ADRA1A: variants seen among roughly 807,000 people sequenced by gnomAD.
ADRA1A encodes the protein adrenoceptor alpha 1A.
Under a neutral mutation model 29.6 loss-of-function variants are expected in ADRA1A, and 31 were observed. The observed-to-expected ratio is 1.05, with a 90% CI of 0.79 to 1.41. The LOEUF is 1.41. Ranked by LOEUF, ADRA1A falls within the 40% of genes most tolerant of loss-of-function variation. ADRA1A has a pLI of 0.00. For missense variants in ADRA1A, 619 were observed against 601.1 expected, an observed-to-expected ratio of 1.03 and a Z score of -0.31; for synonymous variants, 311 against 254.3, an observed-to-expected ratio of 1.22 and a Z score of -2.12.
chr8:26,773,404 T>G (rs1052640625), intron 2 of ADRA1A, among the ~76,000 whole-genome samples: 1 of 152,212 alleles, frequency 6.6e-6, no homozygotes, highest in Non-Finnish European at 1.5e-5. Context: ...TCTTACATTA[T>G]GAAACCTATA....
At chr8:26,771,004 C>T (rs1166195131) in intron 2 of ADRA1A, among the ~76,000 whole-genome samples, 1 of 152,102 alleles carries the variant, frequency 6.6e-6, no homozygotes, top group African/African-American at 2.4e-5. Flanking sequence ...AATTGTTTTG[C>T]CTAAATTGAA....
In ADRA1A at chr8:26,864,808, G is replaced by T; in HGVS notation, c.162C>A (p.His54Gln). The T allele has an allele frequency of 6.2e-7, 1 of 1,614,190 alleles. No individual in the cohort carries two copies. Among genetic ancestry groups the T allele is most frequent in the Non-Finnish European group, 8.5e-7 (1 of 1,180,048 alleles). Residue 54 changes from histidine to glutamine, a missense_variant, in exon 2 of 3, where the codon CAC (histidine) becomes CAA (glutamine). His to Gln is a conservative substitution (Grantham distance 24, BLOSUM62 0). Coordinates refer to ENST00000380573, the MANE Select transcript of ADRA1A (RefSeq NM_000680.4). This position sits in a 1 kb window ranked among gnomAD's most constrained non-coding sequence, Gnocchi z 8.1. ...NILVILSVACHRHLHSVTHYY... is the reference protein window; with the variant it reads ...NILVILSVACQRHLHSVTHYY... ...AGTGCGTGACTGAGTGCAGGTGTCGGTGACAGGCTACGGAGAGGATCACTA... is the reference window on the plus strand; with the variant it reads ...AGTGCGTGACTGAGTGCAGGTGTCGTTGACAGGCTACGGAGAGGATCACTA...
At position 26,865,428 on chromosome 8, in the gene ADRA1A, C is replaced by T. The variant is rs192591538; in HGVS notation, c.-459G>A. The stretch of plus-strand genomic sequence containing the variant: ...TTCAAAACTCCAGCGCCAGTCTCTC[C>T]CTCAAACCAAAAGATCAGCCGTCGA... On this transcript the variant is annotated 5_prime_UTR_variant, in exon 2 of 3. Coordinates refer to ENST00000380573, the MANE Select transcript of ADRA1A (RefSeq NM_000680.4). The surrounding 1 kb of genome is among the most constrained non-coding windows in gnomAD (Gnocchi z 7.6). 2 of 1,003,102 alleles carry T rather than the reference C, an allele frequency of 2.0e-6. No homozygotes were observed. Among genetic ancestry groups the T allele is most frequent in the East Asian group, 2.1e-4 (2 of 9,454 alleles). 62.1% of individuals were successfully genotyped at this position (1,003,102 alleles called of 1,614,324 possible).
intron 2 of ADRA1A, among the ~76,000 whole-genome samples, chr8:26,822,925 C>G (rs1046371195): frequency 6.6e-6 from 1 of 152,146 alleles, no homozygotes; most frequent in Non-Finnish European, 1.5e-5. Flanking sequence ...AGCTCACTAT[C>G]ATGATGACAG....
chr8:26,820,692 G>A (rs982343541), intron 2 of ADRA1A, among the ~76,000 whole-genome samples: 1 of 152,160 alleles, frequency 6.6e-6, no homozygotes, highest in Non-Finnish European at 1.5e-5. Context: ...CAATATGCGA[G>A]CATTGTTAGA....
intron 2 of ADRA1A, among the ~76,000 whole-genome samples, chr8:26,814,188 T>C (rs1016029340): frequency 7.5e-6 from 1 of 134,192 alleles, no homozygotes; most frequent in Non-Finnish European, 1.6e-5. Context: ...CTATCTCCTA[T>C]GGTGAAAAAA....
rs1813363117 is a variant in ADRA1A at position 26,860,355 on chromosome 8, G to A, written c.883+3732C>T. ...CCTGGCTGTGGATGCTCCCTAACCTGACCGAGTCTGTGTCTCTTCACACAC... is the reference window on the plus strand; with the variant it reads ...CCTGGCTGTGGATGCTCCCTAACCTAACCGAGTCTGTGTCTCTTCACACAC... On this transcript the variant is annotated intron_variant, in intron 2 of 2. Transcript: ENST00000380573. This position sits in a 1 kb window ranked among gnomAD's most constrained non-coding sequence, Gnocchi z 4.7. 1.3e-5 allele frequency among the ~76,000 whole-genome samples: 2 copies of A among 152,066 alleles called. No individual in the cohort carries two copies. The highest frequency in any genetic ancestry group is 2.9e-5 in the Non-Finnish European group (2 of 68,030).
At chr8:26,846,458 T>C (rs1025439627) in intron 2 of ADRA1A, among the ~76,000 whole-genome samples, 4 of 152,104 alleles carry the variant, frequency 2.6e-5, no homozygotes, top group Admixed American at 2.0e-4. Context: ...CCCACCCCAA[T>C]TGTGACACTA....
chr8:26,785,774 T>C (rs1490337883), intron 2 of ADRA1A, among the ~76,000 whole-genome samples: 1 of 152,186 alleles, frequency 6.6e-6, no homozygotes, highest in Non-Finnish European at 1.5e-5. Context: ...AAATGACACA[T>C]GCTAGTCTGC....
intron 2 of ADRA1A, among the ~76,000 whole-genome samples, chr8:26,811,152 G>T (rs892471002): frequency 1.3e-5 from 2 of 151,910 alleles, no homozygotes; most frequent in Non-Finnish European, 2.9e-5. Context: ...ATGAAGGCTG[G>T]ATTCTGTCCA....
chr8:26,770,013 T>C lies in ADRA1A; in HGVS notation c.*136A>G. On this transcript the variant is annotated 3_prime_UTR_variant, in exon 3 of 3. Coordinates refer to ENST00000380573, the MANE Select transcript of ADRA1A (RefSeq NM_000680.4). ...CCTACCCGCTGCCTGATGAGTTGGG[T>C]CTACCACCCACCCCATTCCCAGCAG... is the stretch of plus-strand genomic sequence containing the variant. 6.8e-7 allele frequency: 1 copy of C among 1,466,460 alleles called. No homozygotes were observed. The highest frequency in any genetic ancestry group is 1.6e-5 in the South Asian group (1 of 62,052). 90.8% of individuals were successfully genotyped at this position (1,466,460 alleles called of 1,614,324 possible).
chr8:26,802,052 T>C (rs1467840331), intron 2 of ADRA1A, among the ~76,000 whole-genome samples: 1 of 152,170 alleles, frequency 6.6e-6, no homozygotes, highest in East Asian at 1.9e-4. Context: ...TGCAGAAGAA[T>C]TAAACCAGAC....
downstream of ADRA1A, among the ~76,000 whole-genome samples, chr8:26,755,172 T>A (rs1021364823): frequency 6.6e-6 from 1 of 151,674 alleles, no homozygotes; most frequent in Non-Finnish European, 1.5e-5. Context: ...TTTATTTGTA[T>A]GAAGAGAAAG....
chr8:26,808,545 T>C (rs964219106), intron 2 of ADRA1A, among the ~76,000 whole-genome samples: 2 of 152,252 alleles, frequency 1.3e-5, no homozygotes, highest in Admixed American at 6.5e-5. Context: ...CAAAGCCCCA[T>C]TGCGGTGTGC....
At chr8:26,762,603 C>T (rs1201208879), downstream of ADRA1A, among the ~76,000 whole-genome samples, 1 of 151,988 alleles carries the variant, frequency 6.6e-6, no homozygotes, top group Non-Finnish European at 1.5e-5. This position sits in a 1 kb window ranked among gnomAD's most constrained non-coding sequence, Gnocchi z 4.0. Context: ...AGGATGGGAT[C>T]AAGAAAGGAG....
intron 2 of ADRA1A, among the ~76,000 whole-genome samples, chr8:26,853,438 A>T (rs893513100): frequency 2.0e-5 from 3 of 152,234 alleles, no homozygotes; most frequent in Non-Finnish European, 4.4e-5. Context: ...TTTGAAAAAG[A>T]ATATTCATCC....
At chr8:26,786,092 C>G (rs1473621460) in intron 2 of ADRA1A, among the ~76,000 whole-genome samples, 2 of 152,160 alleles carry the variant, frequency 1.3e-5, no homozygotes, top group Non-Finnish European at 2.9e-5. Flanking sequence ...CAAACACTTT[C>G]CAGTACTCTT....
rs757033660 is a variant in ADRA1A at position 26,770,345 on chromosome 8, G to A, written c.1205C>T (p.Ser402Phe). The A allele has an allele frequency of 8.7e-6, 14 of 1,614,098 alleles. No individual in the cohort carries two copies. The Admixed American group carries it at 2.2e-4, about 25-fold the overall frequency. ...DGVCEWKFFS[S>F]MPRGSARITV... The stretch of plus-strand genomic sequence containing the variant: ...AATCCTGGCAGATCCACGGGGCATG[G>A]AAGAGAAAAATTTCCATTCACAAAC... The change falls in exon 3 of 3, where the codon TCC becomes TTC. Residue 402 changes from serine (S) to phenylalanine (F), a missense_variant. By Grantham distance (155) the Ser-to-Phe change is radical. Coordinates refer to ENST00000380573, the MANE Select transcript of ADRA1A (RefSeq NM_000680.4).
At chr8:26,765,940 GT>G, downstream of ADRA1A, 1 of 1,527,486 alleles carries the variant, frequency 6.5e-7, no homozygotes, top group Non-Finnish European at 8.8e-7. Flanking sequence ...GGGCCAGAAG[GT>G]TGGGATATCC....
Sources: gnomAD v4.1 joint callset for allele counts (sites outside exome capture counted in the v4.1 genomes callset) on GRCh38, gnomAD v4.1.1 for gene constraint, Gnocchi (gnomAD v3.1) non-coding constraint, MANE v1.5 for transcripts, NCBI Gene and HGNC (gene_info 2026-07-23, HGNC 2026-07-21) for gene names.